Variants in REDIC1 observed in about 807,000 individuals in gnomAD.
REDIC1 encodes regulator of DNA class I crossover intermediates 1.
the REDIC1 span, among the ~76,000 whole-genome samples, chr12:39,629,635 C>T: frequency 6.6e-6 from 1 of 152,118 alleles, no homozygotes; most frequent in African/African-American, 2.4e-5. Flanking sequence ...TAGAAATAAG[C>T]TTCCCTTATT....
At chr12:39,752,923 T>C in the REDIC1 span, among the ~76,000 whole-genome samples, 2 of 152,200 alleles carry the variant, frequency 1.3e-5, no homozygotes, top group African/African-American at 4.8e-5. Flanking sequence ...AAAAATCACC[T>C]GCAGAGTTGT....
chr12:39,845,368 T>C, the REDIC1 span, among the ~76,000 whole-genome samples: 1 of 152,156 alleles, frequency 6.6e-6, no homozygotes, highest in African/African-American at 2.4e-5. Context: ...TAACCAAATC[T>C]GTTTTACATT....
chr12:39,717,125 A>G, the REDIC1 span, among the ~76,000 whole-genome samples: 1 of 126,432 alleles, frequency 7.9e-6, no homozygotes, highest in East Asian at 2.1e-4. Flanking sequence ...ATATACATAC[A>G]TATATATACA....
the REDIC1 span, among the ~76,000 whole-genome samples, chr12:39,855,972 G>A: frequency 6.6e-6 from 1 of 152,154 alleles, no homozygotes; most frequent in Admixed American, 6.6e-5. Flanking sequence ...TATGCCCAGA[G>A]ACCTGCAGGC....
At chr12:39,833,353 A>G in the REDIC1 span, among the ~76,000 whole-genome samples, 1 of 151,970 alleles carries the variant, frequency 6.6e-6, no homozygotes. Flanking sequence ...CCCTTTTTTT[A>G]AATTCCCTAA....
At chr12:39,671,539 A>C in the REDIC1 span, among the ~76,000 whole-genome samples, 1 of 152,108 alleles carries the variant, frequency 6.6e-6, no homozygotes, top group East Asian at 1.9e-4. Context: ...TGGTTGTGGT[A>C]GTGGCAGACC....
chr12:39,722,441 T>C, the REDIC1 span, among the ~76,000 whole-genome samples: 2 of 152,146 alleles, frequency 1.3e-5, no homozygotes, highest in African/African-American at 4.8e-5. Flanking sequence ...AAATGAAAGG[T>C]ATTCCACTGT....
the REDIC1 span, among the ~76,000 whole-genome samples, chr12:39,812,834 CCTT>C: frequency 4.2e-5 from 6 of 143,464 alleles, no homozygotes; most frequent in Non-Finnish European, 9.1e-5. Flanking sequence ...TGTAGTATTA[CCTT>C]TTTTTTTTTT....
the REDIC1 span, among the ~76,000 whole-genome samples, chr12:39,675,918 A>G: frequency 9.2e-5 from 14 of 152,202 alleles, no homozygotes; most frequent in Non-Finnish European, 1.5e-4. Flanking sequence ...ACATCAAAGG[A>G]TCACCCTGTG....
the REDIC1 span, among the ~76,000 whole-genome samples, chr12:39,703,490 G>A: frequency 1.5e-4 from 22 of 150,898 alleles, no homozygotes; most frequent in East Asian, 1.4e-3. Context: ...AATCAATATC[G>A]TGAAAATGGC....
chr12:39,667,541 C>G, the REDIC1 span, among the ~76,000 whole-genome samples: 13 of 152,258 alleles, frequency 8.5e-5, no homozygotes, highest in African/African-American at 1.4e-4. Flanking sequence ...AATGTATATT[C>G]TGTTGATTTG....
chr12:39,750,046 T>C, the REDIC1 span, among the ~76,000 whole-genome samples: 1 of 152,192 alleles, frequency 6.6e-6, no homozygotes, highest in Non-Finnish European at 1.5e-5. Flanking sequence ...CCATTCAAGA[T>C]AGTGTTGGAA....
chr12:39,895,923 T>C, the REDIC1 span, among the ~76,000 whole-genome samples: 1 of 137,318 alleles, frequency 7.3e-6, no homozygotes, highest in Non-Finnish European at 1.6e-5. Flanking sequence ...TATGCATATA[T>C]GTGTATATGT....
the REDIC1 span, among the ~76,000 whole-genome samples, chr12:39,821,725 C>T: frequency 6.6e-6 from 1 of 152,122 alleles, no homozygotes; most frequent in African/African-American, 2.4e-5. Context: ...AAAGCTTTGG[C>T]TCAGAAATGA....
chr12:39,652,070 G>A, the REDIC1 span, among the ~76,000 whole-genome samples: 7 of 152,018 alleles, frequency 4.6e-5, no homozygotes, highest in South Asian at 2.1e-4. Flanking sequence ...GTTGTTGCCC[G>A]TATCTATAGT....
the REDIC1 span, among the ~76,000 whole-genome samples, chr12:39,895,922 ATG>A: frequency 2.2e-5 from 3 of 136,972 alleles, no homozygotes; most frequent in African/African-American, 7.6e-5. Flanking sequence ...GTATGCATAT[ATG>A]TGTATATGTG....
the REDIC1 span, among the ~76,000 whole-genome samples, chr12:39,870,534 GCTTCTGC>G: frequency 6.6e-6 from 1 of 152,126 alleles, no homozygotes; most frequent in Non-Finnish European, 1.5e-5. Flanking sequence ...TACCTGGTAG[GCTTCTGC>G]CTTTAGTCTG....
the REDIC1 span, among the ~76,000 whole-genome samples, chr12:39,880,255 C>T: frequency 6.6e-6 from 1 of 152,120 alleles, no homozygotes; most frequent in African/African-American, 2.4e-5. Context: ...TGTAGCAATG[C>T]AAGAATGGCC....
At chr12:39,867,611 G>A in the REDIC1 span, among the ~76,000 whole-genome samples, 1 of 152,110 alleles carries the variant, frequency 6.6e-6, no homozygotes, top group Non-Finnish European at 1.5e-5. Context: ...TAAAAATTAT[G>A]AGAAATAAAC....
Sources: allele counts gnomAD v4.1 joint callset (sites outside exome capture counted in the v4.1 genomes callset), GRCh38; gene constraint gnomAD v4.1.1; transcripts MANE v1.5; gene names NCBI Gene and HGNC (gene_info 2026-07-23, HGNC 2026-07-21).